BCAS3: variants seen among roughly 807,000 people sequenced by gnomAD.
BCAS3 encodes the protein BCAS4/BCAS3 fusion.
Under a neutral mutation model 116.1 loss-of-function variants are expected in BCAS3, and 53 were observed. The observed-to-expected ratio is 0.46, with a 90% CI of 0.37 to 0.57. BCAS3 has a LOEUF of 0.57. BCAS3 is among the 20% of genes least tolerant of loss of function. BCAS3 has a pLI of 0.00. For missense variants in BCAS3, 917 were observed against 1,165.4 expected, an observed-to-expected ratio of 0.79 and a Z score of 3.10; for synonymous variants, 391 against 408.2, an observed-to-expected ratio of 0.96 and a Z score of 0.51.
intron 22 of BCAS3, among the ~76,000 whole-genome samples, chr17:61,289,549 C>A (rs1685865951): frequency 6.6e-6 from 1 of 152,228 alleles, no homozygotes; most frequent in Non-Finnish European, 1.5e-5. Flanking sequence ...AAGAGGGACG[C>A]CAGCCTGTCT....
At chr17:61,150,542 TCTG>T (rs1222501942) in intron 22 of BCAS3, among the ~76,000 whole-genome samples, 1 of 152,224 alleles carries the variant, frequency 6.6e-6, no homozygotes, top group African/African-American at 2.4e-5. Context: ...AAATAGAGAT[TCTG>T]CTACCAGTAT....
At chr17:60,984,257 A>G (rs1163037858) in intron 14 of BCAS3, among the ~76,000 whole-genome samples, 1 of 152,182 alleles carries the variant, frequency 6.6e-6, no homozygotes, top group East Asian at 1.9e-4. Flanking sequence ...TAAGACTAAA[A>G]TTTCTTTTTT....
In BCAS3 at chr17:61,233,580, G is replaced by A. The variant is rs1224757396; in HGVS notation, c.2426-134747G>A. On this transcript the variant is annotated intron_variant, in intron 22 of 23. Coordinates refer to ENST00000407086, the MANE Select transcript of BCAS3 (RefSeq NM_017679.5). The surrounding 1 kb of genome is among the most constrained non-coding windows in gnomAD (Gnocchi z 4.3). ...TTGATTTGGAGATGAAGCATATACC[G>A]AACTTGAAGACTGGAGAGGTATTTT... 2.0e-5 allele frequency among the ~76,000 whole-genome samples: 3 copies of A among 152,312 alleles called. No individual in the cohort carries two copies. The highest frequency in any genetic ancestry group is 1.9e-4 in the East Asian group (1 of 5,190).
intron 16 of BCAS3, among the ~76,000 whole-genome samples, chr17:61,033,767 G>T (rs1456633359): frequency 6.6e-6 from 1 of 152,184 alleles, no homozygotes; most frequent in Non-Finnish European, 1.5e-5. Context: ...TGGCAAAATT[G>T]CTTTGGGAAG....
In BCAS3 at chr17:61,069,753, G is replaced by A. The variant is rs182376746; in HGVS notation, c.2030-5167G>A. ...CTCAGGAGGCTGAGGTGGGAGGATC[G>A]CTTGAACACAAGGTGGAGGCTGCAG... On this transcript the variant is annotated intron_variant, in intron 19 of 23. Coordinates refer to ENST00000407086, the MANE Select transcript of BCAS3 (RefSeq NM_017679.5). 12 of 616,194 alleles carry A rather than the reference G, an allele frequency of 1.9e-5. No homozygotes were observed. The East Asian group carries it at 2.8e-4, about 14-fold the overall frequency. The allele number at this position is 616,194 out of a possible 1,614,324, so 38.2% of individuals were successfully genotyped here.
intron 8 of BCAS3, among the ~76,000 whole-genome samples, chr17:60,871,709 G>A (rs2144901421): frequency 6.6e-6 from 1 of 151,466 alleles, no homozygotes; most frequent in South Asian, 2.1e-4. Context: ...ATTTCCCAGT[G>A]TTAAACCATT....
At chr17:60,725,012 C>T (rs551353925) in intron 5 of BCAS3, among the ~76,000 whole-genome samples, 2 of 152,162 alleles carry the variant, frequency 1.3e-5, no homozygotes, top group East Asian at 3.9e-4. Context: ...CCACCATGCC[C>T]AGCTACTTAA....
At chr17:61,166,218 C>T (rs1224709307) in intron 22 of BCAS3, among the ~76,000 whole-genome samples, 1 of 152,092 alleles carries the variant, frequency 6.6e-6, no homozygotes, top group Non-Finnish European at 1.5e-5. Flanking sequence ...ATTTTTTGTC[C>T]TATAAAGTAT....
chr17:61,088,816 G>C lies in BCAS3; in HGVS notation c.2425+4252G>C, dbSNP rs1287030013. ...CAAACTTATGCGTGACTCATATGCAGAGCAGACATCTTTATCAAACTCTAT... is the reference window on the plus strand; with the variant it reads ...CAAACTTATGCGTGACTCATATGCACAGCAGACATCTTTATCAAACTCTAT... On this transcript the variant is annotated intron_variant, in intron 22 of 23. Coordinates refer to ENST00000407086, the MANE Select transcript of BCAS3 (RefSeq NM_017679.5). This position sits in a 1 kb window ranked among gnomAD's most constrained non-coding sequence, Gnocchi z 4.2. Among the ~76,000 whole-genome samples, 1 of 152,160 alleles carries C rather than the reference G, an allele frequency of 6.6e-6. No homozygotes were observed. The highest frequency in any genetic ancestry group is 1.5e-5 in the Non-Finnish European group (1 of 68,016).
intron 7 of BCAS3, among the ~76,000 whole-genome samples, chr17:60,829,388 G>T (rs1273849689): frequency 6.6e-6 from 1 of 151,850 alleles, no homozygotes; most frequent in African/African-American, 2.4e-5. Context: ...CAGCTACTCG[G>T]GAGGCTGAGG....
rs1389632288 is a variant in BCAS3, at chr17:61,356,350, G to A, written c.2426-11977G>A. On this transcript the variant is annotated intron_variant, in intron 22 of 23. Coordinates refer to ENST00000407086, the MANE Select transcript of BCAS3 (RefSeq NM_017679.5). This position sits in a 1 kb window ranked among gnomAD's most constrained non-coding sequence, Gnocchi z 5.4. ...AATGATTCTTCTCTTCCTCCTTGGA[G>A]GGGGAGAAATCATGAGTGTGCCAAG... Among the ~76,000 whole-genome samples, 1 of 152,220 alleles carries A rather than the reference G, an allele frequency of 6.6e-6. No individual in the cohort carries two copies. Among genetic ancestry groups the A allele is most frequent in the Non-Finnish European group, 1.5e-5 (1 of 68,038 alleles).
chr17:60,980,973 A>G lies in BCAS3; in HGVS notation c.1222-8998A>G, dbSNP rs367845856. Among the ~76,000 whole-genome samples the G allele has an allele frequency of 1.2e-3, 185 of 152,106 alleles. 1 individual carries two copies. The highest frequency in any genetic ancestry group is 3.7e-3 in the African/African-American group (155 of 41,502). On this transcript the variant is annotated intron_variant, in intron 14 of 23. Transcript: ENST00000407086. ...CCTAGCCTCTTAAGTAGCTGGAACT[A>G]CAGGCATGTGCCACCATGCCAGGCT...
intron 6 of BCAS3, among the ~76,000 whole-genome samples, chr17:60,801,207 C>G (rs1222181780): frequency 6.6e-6 from 1 of 152,064 alleles, no homozygotes; most frequent in African/African-American, 2.4e-5. Context: ...GTTTTCAGTA[C>G]ATAAGTCCTG....
chr17:60,818,404 C>T (rs1001297530), intron 7 of BCAS3, among the ~76,000 whole-genome samples: 1 of 152,104 alleles, frequency 6.6e-6, no homozygotes, highest in South Asian at 2.1e-4. Context: ...ACTGCAGTGA[C>T]TTTATTTCAA....
intron 7 of BCAS3, among the ~76,000 whole-genome samples, chr17:60,838,777 A>G (rs1440931942): frequency 6.6e-6 from 1 of 152,224 alleles, no homozygotes; most frequent in African/African-American, 2.4e-5. Flanking sequence ...ATCTAAAAAA[A>G]TATTAATCAT....
intron 22 of BCAS3, among the ~76,000 whole-genome samples, chr17:61,254,499 C>T (rs893630298): frequency 2.6e-5 from 4 of 152,008 alleles, no homozygotes; most frequent in South Asian, 2.1e-4. Context: ...AAATTTATGG[C>T]GGGGCGCGGT....
rs2070563530 is a variant in BCAS3, at chr17:61,065,924, AT to A, written c.2030-8991del. Among the ~76,000 whole-genome samples the A allele has an allele frequency of 6.6e-6, 1 of 152,174 alleles. No homozygotes were observed. The highest frequency in any genetic ancestry group is 1.5e-5 in the Non-Finnish European group (1 of 68,024). On this transcript the variant is annotated intron_variant, in intron 19 of 23. Transcript: ENST00000407086. This position sits in a 1 kb window ranked among gnomAD's most constrained non-coding sequence, Gnocchi z 4.8. ...AATCTTCATTTATAGATCAGTGTGA[AT>A]TTTTGAATTAAGAGACTCTAAATTT...
chr17:60,688,128 G>A (rs1041591310), intron 3 of BCAS3: 4 of 152,186 alleles, frequency 2.6e-5, no homozygotes, highest in Admixed American at 6.6e-5. Flanking sequence ...AAAAAAGGAA[G>A]TTGTCCTAAA....
intron 22 of BCAS3, among the ~76,000 whole-genome samples, chr17:61,230,258 T>A (rs2082596941): frequency 6.6e-6 from 1 of 152,212 alleles, no homozygotes; most frequent in Non-Finnish European, 1.5e-5. Flanking sequence ...CATAAAATTT[T>A]AAGCAAAACA....
Sources: gnomAD v4.1 joint callset for allele counts (sites outside exome capture counted in the v4.1 genomes callset) on GRCh38, gnomAD v4.1.1 for gene constraint, Gnocchi (gnomAD v3.1) non-coding constraint, MANE v1.5 for transcripts, NCBI Gene and HGNC (gene_info 2026-07-23, HGNC 2026-07-21) for gene names.